The following TRIM37 variants were observed in gnomAD, a reference collection of about 807,000 sequenced individuals.
TRIM37 encodes tripartite motif containing 37, also known as E3 ubiquitin-protein ligase TRIM37.
A neutral mutation model predicts 129.8 loss-of-function variants in TRIM37; 80 were observed. The observed-to-expected ratio is 0.62, with a 90% CI of 0.51 to 0.74. The LOEUF (loss-of-function observed/expected upper bound fraction) is 0.74, where lower values mean the gene tolerates loss of function less well. Ranked by LOEUF, TRIM37 falls within the 30% of genes least tolerant of loss-of-function variation. The pLI is 0.00. For missense variants in TRIM37, 1,054 were observed against 1,176.5 expected (o/e 0.90, Z 1.52); for synonymous variants, 389 against 387.1 (o/e 1.00, Z -0.06).
intron 2 of TRIM37, among the ~76,000 whole-genome samples, chr17:59,102,674 A>C (rs2045617305): frequency 6.6e-6 from 1 of 152,230 alleles, no homozygotes; most frequent in African/African-American, 2.4e-5. Flanking sequence ...TAGAAGTATG[A>C]GAACTAACAT....
At chr17:59,065,722 T>C (rs2041871298) in intron 9 of TRIM37, among the ~76,000 whole-genome samples, 3 of 152,224 alleles carry the variant, frequency 2.0e-5, no homozygotes, top group Admixed American at 2.0e-4. Context: ...TTCAGATATA[T>C]TTTCTAAAGT....
At chr17:59,020,876 G>GGAATGTAA (rs1356922955) in intron 19 of TRIM37, among the ~76,000 whole-genome samples, 1 of 152,152 alleles carries the variant, frequency 6.6e-6, no homozygotes, top group East Asian at 1.9e-4. Flanking sequence ...ACCATTGGTG[G>GGAATGTAA]GAATGTAAGT....
At chr17:59,027,405 A>G (rs919679349) in intron 19 of TRIM37, among the ~76,000 whole-genome samples, 1 of 152,232 alleles carries the variant, frequency 6.6e-6, no homozygotes, top group African/African-American at 2.4e-5. Context: ...GTTCTGAGAA[A>G]GAACTCAGCC....
downstream of TRIM37, chr17:58,981,083 C>T: frequency 7.8e-7 from 1 of 1,280,342 alleles, no homozygotes; most frequent in Non-Finnish European, 1.1e-6. Context: ...ATACCACTAT[C>T]AGAGTAGAAA....
chr17:59,039,450 C>G (rs1240659208), intron 17 of TRIM37, among the ~76,000 whole-genome samples: 1 of 151,558 alleles, frequency 6.6e-6, no homozygotes, highest in Non-Finnish European at 1.5e-5. Flanking sequence ...AGGTTCACGA[C>G]ATTCTCCTGC....
At chr17:59,050,955 G>A (rs1469212194) in intron 14 of TRIM37, among the ~76,000 whole-genome samples, 1 of 152,008 alleles carries the variant, frequency 6.6e-6, no homozygotes, top group African/African-American at 2.4e-5. Context: ...ACTCCAGCCT[G>A]GGCAACAGAG....
intron 22 of TRIM37, among the ~76,000 whole-genome samples, chr17:59,004,849 CTCTTTT>C (rs1225490669): frequency 6.6e-6 from 1 of 152,168 alleles, no homozygotes; most frequent in East Asian, 1.9e-4. Flanking sequence ...TCTTCCTTTT[CTCTTTT>C]TAAGAAGAGT....
chr17:59,069,255 G>A (rs1349192137), intron 9 of TRIM37, among the ~76,000 whole-genome samples: 2 of 152,032 alleles, frequency 1.3e-5, no homozygotes, highest in African/African-American at 2.4e-5. Flanking sequence ...GCTGAGGTGT[G>A]AGAATTGCTT....
At chr17:58,986,057 C>A (rs1193016025) in intron 24 of TRIM37, among the ~76,000 whole-genome samples, 14 of 152,110 alleles carry the variant, frequency 9.2e-5, no homozygotes, top group African/African-American at 3.4e-4. Context: ...CAGAAGGGAA[C>A]CACTAGGTAC....
Position 59,028,569 on chromosome 17 carries a change from G to A in TRIM37, c.2103C>T (p.Ser701=). The part of the protein sequence containing the change: ...DVKNTLSEIK[S]SSAASGDMQT... The stretch of plus-strand genomic sequence containing the variant: ...GCATGTCTCCAGAAGCAGCACTGCT[G>A]CTTTTTATTTCTGAAAGTGTATTCT... Residue 701 remains serine (S), a synonymous_variant, in exon 19 of 24, where the codon AGC becomes AGT. Coordinates refer to ENST00000262294, the MANE Select transcript of TRIM37 (RefSeq NM_015294.6). The A allele has an allele frequency of 6.2e-7, 1 of 1,614,224 alleles. No individual in the cohort carries two copies. Among genetic ancestry groups the A allele is most frequent in the Non-Finnish European group, 8.5e-7 (1 of 1,180,048 alleles).
intron 4 of TRIM37, 102 bp from the exon 5 acceptor site, chr17:59,084,191 T>C (rs1305689882): frequency 1.1e-6 from 1 of 872,092 alleles, no homozygotes; most frequent in Non-Finnish European, 1.9e-6. Flanking sequence ...TAAATGATTA[T>C]ATCTCAAGAA....
chr17:59,003,821 C>T (rs1453290032), intron 22 of TRIM37, among the ~76,000 whole-genome samples: 2 of 149,772 alleles, frequency 1.3e-5, no homozygotes, highest in African/African-American at 4.9e-5. Flanking sequence ...CCTGGTGGCA[C>T]ATGCCTGTAG....
At chr17:59,091,384 C>CTA (rs770293776) in intron 2 of TRIM37, 44 bp from the exon 3 acceptor site, 332 of 960,332 alleles carry the variant, frequency 3.5e-4, no homozygotes, top group African/African-American at 4.5e-4. Flanking sequence ...AACATCATTA[C>CTA]TATATATATA....
intron 17 of TRIM37, among the ~76,000 whole-genome samples, chr17:59,033,070 T>G (rs573261594): frequency 1.3e-5 from 2 of 152,306 alleles, no homozygotes; most frequent in East Asian, 3.9e-4. Context: ...GATATGGAAA[T>G]GTTGCTTAAA....
chr17:59,048,026 C>A (rs1027150115), intron 15 of TRIM37, among the ~76,000 whole-genome samples: 1 of 152,172 alleles, frequency 6.6e-6, no homozygotes, highest in Admixed American at 6.6e-5. Flanking sequence ...TGCGTGCCGC[C>A]TTCAGCTGGG....
intron 19 of TRIM37, among the ~76,000 whole-genome samples, chr17:59,026,756 A>G (rs2037294008): frequency 6.6e-6 from 1 of 151,592 alleles, no homozygotes; most frequent in Non-Finnish European, 1.5e-5. Context: ...GACCTCATTC[A>G]CTCTTCTGCT....
chr17:59,081,964 A>AAAAAAAAT (rs1568200247), intron 5 of TRIM37, among the ~76,000 whole-genome samples: 2 of 87,220 alleles, frequency 2.3e-5, no homozygotes, highest in African/African-American at 5.1e-5. Context: ...AAAAAAAAAA[A>AAAAAAAAT]AATAATAATA....
At chr17:59,062,898 T>C (rs1303306832) in intron 10 of TRIM37, among the ~76,000 whole-genome samples, 1 of 152,148 alleles carries the variant, frequency 6.6e-6, no homozygotes, top group Non-Finnish European at 1.5e-5. Context: ...ACCCTCAAAA[T>C]TGTGACATTT....
intron 13 of TRIM37, among the ~76,000 whole-genome samples, chr17:59,052,824 G>A (rs1222969427): frequency 4.6e-5 from 7 of 152,024 alleles, no homozygotes; most frequent in East Asian, 1.9e-4. Context: ...GTATGGTGGC[G>A]GGCGCCTGTA....
Sources: allele counts gnomAD v4.1 joint callset (sites outside exome capture counted in the v4.1 genomes callset), GRCh38; gene constraint gnomAD v4.1.1; transcripts MANE v1.5; gene names NCBI Gene and HGNC (gene_info 2026-07-23, HGNC 2026-07-21).